The following FAM167A variants were observed in gnomAD, a reference collection of about 807,000 sequenced individuals.
The protein encoded by FAM167A is family with sequence similarity 167 member A, also known as protein FAM167A.
FAM167A carries 23 observed loss-of-function variants against 14.9 expected under a neutral mutation model. The observed-to-expected ratio is 1.55, with a 90% CI of 1.11 to 2.19. The LOEUF (loss-of-function observed/expected upper bound fraction) is 2.19, where lower values mean the gene tolerates loss of function less well. Among genes scored for constraint, FAM167A ranks in the 30% most tolerant of loss-of-function variants. The pLI is 0.00. For synonymous variants in FAM167A, 174 were observed against 117.7 expected (o/e 1.48, Z -3.10); for missense variants, 401 against 281.5 (o/e 1.42, Z -3.04).
intron 2 of FAM167A, among the ~76,000 whole-genome samples, chr8:11,432,833 A>G (rs1371112198): frequency 6.6e-6 from 1 of 152,212 alleles, no homozygotes; most frequent in East Asian, 1.9e-4. Flanking sequence ...TCAATGATAG[A>G]CTGGATTAAG....
At chr8:11,455,913 G>A (rs1240380467) in intron 1 of FAM167A, among the ~76,000 whole-genome samples, 1 of 147,576 alleles carries the variant, frequency 6.8e-6, no homozygotes, top group Admixed American at 6.7e-5. Flanking sequence ...GTGAGTGTGA[G>A]GGGTGGTTGC....
At chr8:11,451,438 C>T (rs1435416129) in intron 1 of FAM167A, among the ~76,000 whole-genome samples, 2 of 152,262 alleles carry the variant, frequency 1.3e-5, no homozygotes, top group Non-Finnish European at 2.9e-5. Context: ...ACAGCACGCA[C>T]TGGAGAAGGA....
At chr8:11,437,557 CT>C (rs1806112621) in intron 2 of FAM167A, among the ~76,000 whole-genome samples, 1 of 152,188 alleles carries the variant, frequency 6.6e-6, no homozygotes, top group Admixed American at 6.5e-5. Context: ...ACATATTATG[CT>C]TTTTCCAGTG....
chr8:11,438,350 C>T (rs1806186288), intron 2 of FAM167A: 1 of 437,910 alleles, frequency 2.3e-6, no homozygotes, highest in South Asian at 1.6e-5. Context: ...TCAGCTCTCA[C>T]ATCAAACAGG....
In FAM167A at chr8:11,423,273, G is replaced by A. The variant is rs1404439777; in HGVS notation, c.*1100C>T. On this transcript the variant is annotated 3_prime_UTR_variant, in exon 3 of 3. Coordinates refer to ENST00000284486, the MANE Select transcript of FAM167A (RefSeq NM_053279.3). The stretch of plus-strand genomic sequence containing the variant: ...GGGGTCTTAACTTGCTGATCCTCAA[G>A]CCTGTTGGGAGGGAGAAACTCTTAA... 1 of 152,396 alleles carries A rather than the reference G, an allele frequency of 6.6e-6. No homozygotes were observed. The highest frequency in any genetic ancestry group is 1.5e-5 in the Non-Finnish European group (1 of 68,048). 9.4% of individuals were successfully genotyped at this position (152,396 alleles called of 1,614,324 possible).
Position 11,466,678 on chromosome 8 carries a change from C to T in FAM167A, c.-450G>A, listed in dbSNP as rs1281161713. ...GGACTCGCCGGTGTCCCCGCCGCCT[C>T]CTCCTGCGCGGGTCCGCGCTGCCCG... is the stretch of plus-strand genomic sequence containing the variant. On this transcript the variant is annotated 5_prime_UTR_variant, in exon 1 of 3. Coordinates refer to ENST00000284486, the MANE Select transcript of FAM167A (RefSeq NM_053279.3). The T allele has an allele frequency of 1.3e-5, 2 of 152,462 alleles. No homozygotes were observed. The highest frequency in any genetic ancestry group is 4.8e-5 in the African/African-American group (2 of 41,482). The allele number at this position is 152,462 out of a possible 1,614,324, so 9.4% of individuals were successfully genotyped here. A position where few individuals can be genotyped will look rare whatever the true frequency, so the allele number is the denominator to read the frequency against.
chr8:11,438,679 G>T, intron 2 of FAM167A: 1 of 378,040 alleles, frequency 2.6e-6, no homozygotes, highest in Non-Finnish European at 5.1e-6. Context: ...TGGTTCTTTT[G>T]TTTATACATT....
In FAM167A at chr8:11,422,638, G is replaced by A. The variant is rs894147802; in HGVS notation, c.*1735C>T. On this transcript the variant is annotated 3_prime_UTR_variant, in exon 3 of 3. Transcript: ENST00000284486. ...TGGCTCTTTGAAATTTTAAAAAAGA[G>A]ACCAAGTTCTTTTCTGTCTACTAGA... 1 of 152,408 alleles carries A rather than the reference G, an allele frequency of 6.6e-6. No individual in the cohort carries two copies. The allele number at this position is 152,408 out of a possible 1,614,324, so 9.4% of individuals were successfully genotyped here.
chr8:11,462,410 G>C lies in FAM167A; in HGVS notation c.-398+4216C>G, dbSNP rs116526890. Among the ~76,000 whole-genome samples the C allele has an allele frequency of 2.1e-3, 314 of 152,312 alleles. 3 individuals are homozygous for C. The highest frequency in any genetic ancestry group is 7.2e-3 in the African/African-American group (298 of 41,570). ...TCTTGGAAGGACCAAATGAGATCAA[G>C]TTTACGTGAATTTTTAGTTACACCT... On this transcript the variant is annotated intron_variant, in intron 1 of 2. Coordinates refer to ENST00000284486, the MANE Select transcript of FAM167A (RefSeq NM_053279.3).
At position 11,434,047 on chromosome 8, in the gene FAM167A, C is replaced by G. The variant is rs956909693; in HGVS notation, c.382-9411G>C. ...AGATTAACGCTGGCAGGAAAGAAAG[C>G]AGGAGTGCCCTTCAAACACGCTGCT... On this transcript the variant is annotated intron_variant, in intron 2 of 2. Coordinates refer to ENST00000284486, the MANE Select transcript of FAM167A (RefSeq NM_053279.3). 7.9e-5 allele frequency: 12 copies of G among 152,314 alleles called. 2 individuals carry two copies. Among genetic ancestry groups the G allele is most frequent in the Admixed American group, 7.8e-4 (12 of 15,302 alleles). The allele number at this position is 152,314 out of a possible 1,614,324, so 9.4% of individuals were successfully genotyped here.
intron 2 of FAM167A, among the ~76,000 whole-genome samples, chr8:11,442,945 C>T (rs1806527882): frequency 6.6e-6 from 1 of 152,220 alleles, no homozygotes; most frequent in Non-Finnish European, 1.5e-5. Flanking sequence ...TTCTCTCAGC[C>T]CCTGAGGCAT....
intron 1 of FAM167A, among the ~76,000 whole-genome samples, chr8:11,464,727 G>T (rs1807684659): frequency 6.6e-6 from 1 of 152,182 alleles, no homozygotes; most frequent in Admixed American, 6.5e-5. Context: ...AAGGGTTCTG[G>T]GAATACCGGG....
At chr8:11,464,760 T>A (rs938191227) in intron 1 of FAM167A, among the ~76,000 whole-genome samples, 2 of 152,216 alleles carry the variant, frequency 1.3e-5, no homozygotes, top group African/African-American at 2.4e-5. Flanking sequence ...CCAACGGGGC[T>A]TTCTGTGAGC....
intron 1 of FAM167A, among the ~76,000 whole-genome samples, chr8:11,453,460 A>G (rs529448617): frequency 6.6e-6 from 1 of 152,356 alleles, no homozygotes; most frequent in African/African-American, 2.4e-5. Flanking sequence ...AGTATGCACT[A>G]TGATTGTCCC....
intron 2 of FAM167A, among the ~76,000 whole-genome samples, chr8:11,437,886 G>C (rs375194916): frequency 6.7e-6 from 1 of 149,686 alleles, no homozygotes; most frequent in East Asian, 1.9e-4. Context: ...AGGAATTTGC[G>C]TATTTCCCTT....
At chr8:11,470,032 T>C (rs565734948), upstream of FAM167A, among the ~76,000 whole-genome samples, 1 of 152,340 alleles carries the variant, frequency 6.6e-6, no homozygotes, top group South Asian at 2.1e-4. Flanking sequence ...TCTAGGCTCT[T>C]GGGAAATGTT....
rs986726932 is a variant in FAM167A at position 11,444,772 on chromosome 8, G to C, written c.-361C>G. The C allele has an allele frequency of 3.4e-5, 35 of 1,019,850 alleles. 1 individual carries two copies. The highest frequency in any genetic ancestry group is 4.5e-5 in the South Asian group (1 of 22,132). 63.2% of individuals were successfully genotyped at this position (1,019,850 alleles called of 1,614,324 possible). On this transcript the variant is annotated 5_prime_UTR_variant, in exon 2 of 3. Transcript: ENST00000284486. Reference sequence around the variant, plus strand: ...CAGACTGGCAGGAAGAAGGCCCAGAGCTCTCTCTTCTCGGGAAGGGCAGGT... The same window carrying C: ...CAGACTGGCAGGAAGAAGGCCCAGACCTCTCTCTTCTCGGGAAGGGCAGGT...
intron 2 of FAM167A, chr8:11,438,479 A>T (rs1345633755): frequency 4.4e-6 from 2 of 457,398 alleles, no homozygotes; most frequent in East Asian, 1.4e-4. Flanking sequence ...ATGCATACCG[A>T]TTACATTGGC....
upstream of FAM167A, among the ~76,000 whole-genome samples, chr8:11,472,380 G>A (rs1034919780): frequency 1.4e-4 from 22 of 152,006 alleles, no homozygotes; most frequent in Admixed American, 7.9e-4. Flanking sequence ...GCTGGAAGGA[G>A]GCCTCCTGAA....
Sources: allele counts gnomAD v4.1 joint callset (sites outside exome capture counted in the v4.1 genomes callset), GRCh38; gene constraint gnomAD v4.1.1; transcripts MANE v1.5; gene names NCBI Gene and HGNC (gene_info 2026-07-23, HGNC 2026-07-21).